ICA1L: variants seen among roughly 807,000 people sequenced by gnomAD.
ICA1L encodes islet cell autoantigen 1 like.
Under a neutral mutation model 61.3 loss-of-function variants are expected in ICA1L, and 50 were observed. The ratio of observed to expected loss-of-function variants is 0.82; its 90% confidence interval spans 0.65 to 1.03. The LOEUF (loss-of-function observed/expected upper bound fraction) is 1.03, where lower values mean the gene tolerates loss of function less well. Among genes scored for constraint, ICA1L ranks in the 50% least tolerant of loss-of-function variants. ICA1L has a pLI of 0.00. For missense variants in ICA1L, 508 were observed against 556.7 expected, an observed-to-expected ratio of 0.91 and a Z score of 0.88; for synonymous variants, 161 against 191.3, an observed-to-expected ratio of 0.84 and a Z score of 1.31.
At chr2:202,843,536 C>G (rs1451753808) in intron 1 of ICA1L, among the ~76,000 whole-genome samples, 1 of 152,164 alleles carries the variant, frequency 6.6e-6, no homozygotes, top group Non-Finnish European at 1.5e-5. Flanking sequence ...GGCACTGGTG[C>G]CTGATGAGTA....
intron 1 of ICA1L, among the ~76,000 whole-genome samples, chr2:202,864,987 C>A (rs564561242): frequency 6.6e-6 from 1 of 151,860 alleles, no homozygotes; most frequent in African/African-American, 2.4e-5. Context: ...AACAGAGAAA[C>A]CCTGCCTCTA....
chr2:202,810,691 G>A (rs913729226), intron 9 of ICA1L, among the ~76,000 whole-genome samples: 2 of 152,192 alleles, frequency 1.3e-5, no homozygotes, highest in African/African-American at 4.8e-5. Context: ...GCAGAACAGA[G>A]CCATATTTCT....
chr2:202,865,227 G>A (rs566683523), intron 1 of ICA1L, among the ~76,000 whole-genome samples: 3 of 151,734 alleles, frequency 2.0e-5, no homozygotes, highest in Non-Finnish European at 4.4e-5. Context: ...CCAGCACTCT[G>A]GAAGGCCGAG....
Position 202,788,896 on chromosome 2 carries a change from G to A in ICA1L, c.1177C>T (p.His393Tyr), listed in dbSNP as rs757305589. Reference protein sequence around the residue: ...EPSMGSEPLAHSSRFLPSQLF... With the variant: ...EPSMGSEPLAYSSRFLPSQLF... The stretch of plus-strand genomic sequence containing the variant: ...TGTGAAGGAAGGAATCGAGAAGAAT[G>A]AGCGAGGGGCTCAGACCCCATGGAA... The change falls in exon 11 of 13, where the codon CAT becomes TAT. Residue 393 changes from histidine to tyrosine, a missense_variant. His to Tyr is a moderately conservative substitution (Grantham distance 83, BLOSUM62 2). Coordinates refer to ENST00000358299, the MANE Select transcript of ICA1L (RefSeq NM_001288622.3). 2 of 1,614,078 alleles carry A rather than the reference G, an allele frequency of 1.2e-6. No homozygotes were observed. Among genetic ancestry groups the A allele is most frequent in the East Asian group, 2.2e-5 (1 of 44,882 alleles).
chr2:202,806,657 AAAG>A (rs1323652017), intron 9 of ICA1L, among the ~76,000 whole-genome samples: 17 of 152,152 alleles, frequency 1.1e-4, no homozygotes, highest in East Asian at 3.9e-4. Flanking sequence ...AAAAAAAAAA[AAAG>A]AAGAAAAGGT....
chr2:202,774,510 T>G lies in ICA1L; in HGVS notation c.*5023A>C. 1 of 437,642 alleles carries G rather than the reference T, an allele frequency of 2.3e-6. No homozygotes were observed. Among genetic ancestry groups the G allele is most frequent in the South Asian group, 3.8e-5 (1 of 26,180 alleles). 27.1% of individuals were successfully genotyped at this position (437,642 alleles called of 1,614,324 possible). A position where few individuals can be genotyped will look rare whatever the true frequency, so the allele number is the denominator to read the frequency against. On this transcript the variant is annotated 3_prime_UTR_variant, in exon 13 of 13. Transcript: ENST00000358299. Reference sequence around the variant, plus strand: ...TTTTTTAGGTTATGGTCAGTGAGGTTTAGCCACAAGAGATATCACAGGAGA... The same window carrying G: ...TTTTTTAGGTTATGGTCAGTGAGGTGTAGCCACAAGAGATATCACAGGAGA...
At chr2:202,801,268 A>G (rs958455181) in intron 9 of ICA1L, among the ~76,000 whole-genome samples, 3 of 152,180 alleles carry the variant, frequency 2.0e-5, no homozygotes, top group Non-Finnish European at 4.4e-5. Context: ...TTCCCCAGAC[A>G]TTTTCAGTAA....
rs138801001 is a variant in ICA1L at position 202,811,909 on chromosome 2, C to T, written c.867-120G>A. 364 of 721,536 alleles carry T rather than the reference C, an allele frequency of 5.0e-4. 1 individual carries two copies. In the East Asian group the frequency reaches 6.1e-3, roughly 12 times the overall value. 44.7% of individuals were successfully genotyped at this position (721,536 alleles called of 1,614,324 possible). Reference sequence around the variant, plus strand: ...TACTCAGGAAACATAAAATCATTGTCCACTAGATCCCCTAAAATCTATATC... The same window carrying T: ...TACTCAGGAAACATAAAATCATTGTTCACTAGATCCCCTAAAATCTATATC... On this transcript the variant is annotated intron_variant, in intron 8 of 12. Transcript: ENST00000358299.
At chr2:202,790,820 C>T (rs993115674) in intron 10 of ICA1L, among the ~76,000 whole-genome samples, 7 of 152,194 alleles carry the variant, frequency 4.6e-5, no homozygotes, top group African/African-American at 1.4e-4. Flanking sequence ...CTCTCCTCAG[C>T]TCCTAGAGCA....
chr2:202,795,073 CTTTTTTTTTT>C (rs59752090), intron 10 of ICA1L, among the ~76,000 whole-genome samples: 85 of 97,078 alleles, frequency 8.8e-4, no homozygotes, highest in Admixed American at 1.2e-3. Context: ...GTTTCCTTTT[CTTTTTTTTTT>C]TTTTTTTTTT....
At chr2:202,854,077 G>A (rs937911249) in intron 1 of ICA1L, among the ~76,000 whole-genome samples, 4 of 152,034 alleles carry the variant, frequency 2.6e-5, no homozygotes, top group South Asian at 4.2e-4. Context: ...TCAATGCCCC[G>A]ATTAAAAGAC....
intron 1 of ICA1L, among the ~76,000 whole-genome samples, chr2:202,853,097 G>A (rs1352405230): frequency 1.3e-5 from 2 of 151,968 alleles, no homozygotes; most frequent in East Asian, 1.9e-4. Flanking sequence ...GGTGGCTCAC[G>A]CCTGTAATCC....
rs370347961 is a variant in ICA1L at position 202,844,893 on chromosome 2, A to G, written c.-7-15877T>C. ...TAAAATAAAGTTGTCAGACGGCTGC[A>G]TTTCTTCTGGAGGCTACAAAGGAGA... On this transcript the variant is annotated intron_variant, in intron 1 of 12. Coordinates refer to ENST00000358299, the MANE Select transcript of ICA1L (RefSeq NM_001288622.3). Among the ~76,000 whole-genome samples, 796 of 152,316 alleles carry G rather than the reference A, an allele frequency of 5.2e-3. 18 individuals carry two copies. The highest frequency in any genetic ancestry group is 0.044 in the South Asian group (211 of 4,826).
chr2:202,863,361 A>G (rs1694973233), intron 1 of ICA1L, among the ~76,000 whole-genome samples: 1 of 152,158 alleles, frequency 6.6e-6, no homozygotes, highest in Non-Finnish European at 1.5e-5. Context: ...GAAAAAGAGG[A>G]GCAAATTAAA....
At chr2:202,784,247 T>C (rs568844455) in intron 12 of ICA1L, among the ~76,000 whole-genome samples, 1 of 151,660 alleles carries the variant, frequency 6.6e-6, no homozygotes, top group East Asian at 1.9e-4. Context: ...AGGTCAGGAG[T>C]TCAAGACCAG....
At chr2:202,833,340 G>A (rs1208135477) in intron 1 of ICA1L, among the ~76,000 whole-genome samples, 1 of 152,214 alleles carries the variant, frequency 6.6e-6, no homozygotes, top group East Asian at 1.9e-4. Context: ...CCAGGACTTT[G>A]GGAGGCTGTG....
intron 1 of ICA1L, among the ~76,000 whole-genome samples, chr2:202,833,197 A>C (rs746792928): frequency 1.3e-5 from 2 of 152,198 alleles, no homozygotes; most frequent in Non-Finnish European, 2.9e-5. Context: ...AACAAAAAAA[A>C]GTCAGACTAA....
intron 12 of ICA1L, among the ~76,000 whole-genome samples, chr2:202,781,203 C>G (rs867973783): frequency 6.6e-6 from 1 of 152,044 alleles, no homozygotes; most frequent in South Asian, 2.1e-4. Context: ...AAAATGAATT[C>G]TATATAGAGA....
chr2:202,856,454 T>A (rs1377931182), intron 1 of ICA1L, among the ~76,000 whole-genome samples: 1 of 152,152 alleles, frequency 6.6e-6, no homozygotes, highest in Non-Finnish European at 1.5e-5. Flanking sequence ...AAACTCTCAA[T>A]AAACTAGCTA....
Sources: gnomAD v4.1 joint callset for allele counts (sites outside exome capture counted in the v4.1 genomes callset) on GRCh38, gnomAD v4.1.1 for gene constraint, MANE v1.5 for transcripts, NCBI Gene and HGNC (gene_info 2026-07-23, HGNC 2026-07-21) for gene names.